The following RHBDD1 variants were observed in gnomAD, a reference collection of about 807,000 sequenced individuals.
RHBDD1 encodes rhomboid-related protein 4.
In RHBDD1, 38 loss-of-function variants were observed where a neutral mutation model predicts 36.3. The observed-to-expected ratio is 1.05, with a 90% CI of 0.81 to 1.37. The LOEUF is 1.37. RHBDD1 is among the 40% of genes most tolerant of loss of function. RHBDD1 has a pLI of 0.00. For synonymous variants in RHBDD1, 151 were observed against 136.5 expected (o/e 1.11, Z -0.74); for missense variants, 393 against 377.6 (o/e 1.04, Z -0.34).
chr2:226,967,460 T>C (rs1244226412), intron 8 of RHBDD1, among the ~76,000 whole-genome samples: 1 of 152,128 alleles, frequency 6.6e-6, no homozygotes, highest in Non-Finnish European at 1.5e-5. Flanking sequence ...TGTATACATG[T>C]GCCATGTTGG....
At chr2:226,914,744 C>T (rs1414253816) in intron 8 of RHBDD1, 1 of 154,512 alleles carries the variant, frequency 6.5e-6, no homozygotes, top group Non-Finnish European at 1.4e-5. Context: ...GACAAATCTC[C>T]CTCAGCATCA....
the RHBDD1 span, among the ~76,000 whole-genome samples, chr2:226,806,039 C>A: frequency 6.6e-6 from 1 of 152,098 alleles, no homozygotes; most frequent in Non-Finnish European, 1.5e-5. Context: ...TCATTCTTCC[C>A]ATATCCTCTC....
At chr2:226,953,425 A>T (rs1174081339) in intron 8 of RHBDD1, among the ~76,000 whole-genome samples, 2 of 152,170 alleles carry the variant, frequency 1.3e-5, no homozygotes, top group Non-Finnish European at 2.9e-5. Flanking sequence ...TAATATAGTT[A>T]TTCTAAGGCC....
At chr2:226,880,880 C>G (rs1945664015) in intron 5 of RHBDD1, among the ~76,000 whole-genome samples, 2 of 152,298 alleles carry the variant, frequency 1.3e-5, no homozygotes, top group Non-Finnish European at 2.9e-5. Context: ...ATTGAAAGAA[C>G]AACATACTCC....
chr2:226,910,104 T>C (rs184649148), intron 7 of RHBDD1, among the ~76,000 whole-genome samples: 18 of 152,300 alleles, frequency 1.2e-4, no homozygotes, highest in Admixed American at 3.3e-4. Context: ...GGATATGAGA[T>C]TGACACTCTG....
chr2:226,814,364 C>T, the RHBDD1 span, among the ~76,000 whole-genome samples: 8 of 151,954 alleles, frequency 5.3e-5, no homozygotes, highest in Non-Finnish European at 1.2e-4. Flanking sequence ...GCATTTGGTA[C>T]TCAATTAAAG....
chr2:226,926,134 C>G (rs1053736465), intron 8 of RHBDD1, among the ~76,000 whole-genome samples: 2 of 151,622 alleles, frequency 1.3e-5, no homozygotes, highest in Admixed American at 6.6e-5. Flanking sequence ...AATCCCAGCA[C>G]TTTGGGAGGC....
intron 8 of RHBDD1, among the ~76,000 whole-genome samples, chr2:226,965,911 C>T (rs1479760923): frequency 3.3e-5 from 5 of 150,488 alleles, no homozygotes; most frequent in Admixed American, 3.3e-4. Flanking sequence ...AAGTTTATAG[C>T]AAAGACACAA....
chr2:226,932,351 T>C (rs1471325993), intron 8 of RHBDD1, among the ~76,000 whole-genome samples: 1 of 152,178 alleles, frequency 6.6e-6, no homozygotes, highest in African/African-American at 2.4e-5. Context: ...GATAGTTTTT[T>C]CTAGGACTTC....
chr2:226,840,555 A>AT (rs1464358826), intron 3 of RHBDD1, among the ~76,000 whole-genome samples: 1 of 152,130 alleles, frequency 6.6e-6, no homozygotes, highest in African/African-American at 2.4e-5. Context: ...TGTAAGTGGA[A>AT]TTTTTTGCCA....
At chr2:226,988,509 G>A (rs1439811546) in intron 8 of RHBDD1, 2 of 1,522,646 alleles carry the variant, frequency 1.3e-6, no homozygotes, top group Non-Finnish European at 1.8e-6. Context: ...GGCCTTGCGA[G>A]GTGGATAGCA....
chr2:226,996,454 T>A lies in RHBDD1; in HGVS notation c.*932T>A, dbSNP rs1266263102. On this transcript the variant is annotated 3_prime_UTR_variant, in exon 9 of 9. Coordinates refer to ENST00000392062, the MANE Select transcript of RHBDD1 (RefSeq NM_001167608.3). ...GCCCTTGGGCCCCGCCACGTTACAA[T>A]CCACAGATTGTCTGTCTGAGTCGTT... is the stretch of plus-strand genomic sequence containing the variant. 2.0e-5 allele frequency: 3 copies of A among 152,238 alleles called. No individual in the cohort carries two copies. The highest frequency in any genetic ancestry group is 7.2e-5 in the African/African-American group (3 of 41,468). The allele number at this position is 152,238 out of a possible 1,614,324, so 9.4% of individuals were successfully genotyped here. A position where few individuals can be genotyped will look rare whatever the true frequency, so the allele number is the denominator to read the frequency against.
intron 8 of RHBDD1, among the ~76,000 whole-genome samples, chr2:226,950,382 T>TAAAAAAGAA (rs1395644939): frequency 6.6e-5 from 10 of 152,248 alleles, no homozygotes; most frequent in Non-Finnish European, 7.3e-5. Flanking sequence ...AGGATTTCTT[T>TAAAAAAGAA]CTGTTTTAAG....
chr2:226,802,477 T>G, the RHBDD1 span, among the ~76,000 whole-genome samples: 4 of 152,232 alleles, frequency 2.6e-5, no homozygotes, highest in Non-Finnish European at 5.9e-5. Flanking sequence ...AACTGGAAAT[T>G]CATTTACATT....
chr2:226,957,309 G>A (rs193226366), intron 8 of RHBDD1, among the ~76,000 whole-genome samples: 2 of 152,294 alleles, frequency 1.3e-5, no homozygotes, highest in African/African-American at 4.8e-5. Context: ...AGAAAATATA[G>A]ATGGACATCT....
Position 226,914,126 on chromosome 2 carries a change from G to T in RHBDD1, c.713-82G>T, listed in dbSNP as rs3731592. On this transcript the variant is annotated intron_variant, in intron 7 of 8. Transcript: ENST00000392062. Reference sequence around the variant, plus strand: ...CCTAAAATAATGTTATGCCTTACTCGCTTGTCTTTGCTTATACAAAACAGG... The same window carrying T: ...CCTAAAATAATGTTATGCCTTACTCTCTTGTCTTTGCTTATACAAAACAGG... 16 of 1,236,340 alleles carry T rather than the reference G, an allele frequency of 1.3e-5. No individual in the cohort carries two copies. In the African/African-American group the frequency reaches 2.3e-4, roughly 18 times the overall value. The allele number at this position is 1,236,340 out of a possible 1,614,324, so 76.6% of individuals were successfully genotyped here.
intron 8 of RHBDD1, among the ~76,000 whole-genome samples, chr2:226,980,049 A>T (rs1209792476): frequency 6.6e-6 from 1 of 152,168 alleles, no homozygotes; most frequent in Non-Finnish European, 1.5e-5. Context: ...CCAGAGGGAT[A>T]GTGGGGGCAT....
intron 5 of RHBDD1, among the ~76,000 whole-genome samples, chr2:226,886,504 A>C (rs948669840): frequency 1.3e-5 from 2 of 152,196 alleles, no homozygotes; most frequent in Non-Finnish European, 2.9e-5. Context: ...GAGCAACTGG[A>C]GTAGGACAGT....
In RHBDD1 at chr2:226,864,666, T is replaced by A; in HGVS notation, c.-28T>A. On this transcript the variant is annotated 5_prime_UTR_variant, in exon 4 of 9. Transcript: ENST00000392062. ...TGACCACCTGAGTACGTTTTCCCAT[T>A]GCTGAGCTGTTTCCCTGATATCTGG... 1 of 1,594,380 alleles carries A rather than the reference T, an allele frequency of 6.3e-7. No homozygotes were observed.
Sources: gnomAD v4.1 joint callset for allele counts (sites outside exome capture counted in the v4.1 genomes callset) on GRCh38, gnomAD v4.1.1 for gene constraint, MANE v1.5 for transcripts, NCBI Gene and HGNC (gene_info 2026-07-23, HGNC 2026-07-21) for gene names.